Variants in KPNA3 observed in about 807,000 individuals in gnomAD.
KPNA3 encodes the protein karyopherin subunit alpha 3, also known as importin subunit alpha-4.
KPNA3 carries 13 observed loss-of-function variants against 73.8 expected under a neutral mutation model. The ratio of observed to expected loss-of-function variants is 0.18; its 90% confidence interval spans 0.11 to 0.28. The LOEUF (loss-of-function observed/expected upper bound fraction) is 0.28. KPNA3 is among the 10% of genes least tolerant of loss of function. The pLI, the probability that KPNA3 is intolerant of heterozygous loss-of-function variation, is 1.00. For missense variants in KPNA3, 360 were observed against 618.1 expected, an observed-to-expected ratio of 0.58 and a Z score of 4.43; for synonymous variants, 186 against 206.9, an observed-to-expected ratio of 0.90 and a Z score of 0.87.
chr13:49,786,575 G>T (rs896449819), intron 1 of KPNA3, among the ~76,000 whole-genome samples: 1 of 152,088 alleles, frequency 6.6e-6, no homozygotes, highest in African/African-American at 2.4e-5. Flanking sequence ...ATATGAAGGA[G>T]TCTCACTGAA....
chr13:49,775,818 T>C (rs1173618930), intron 1 of KPNA3, among the ~76,000 whole-genome samples: 1 of 152,258 alleles, frequency 6.6e-6, no homozygotes, highest in Non-Finnish European at 1.5e-5. Context: ...AAAAAAGAGT[T>C]TGTACAACCT....
intron 10 of KPNA3, among the ~76,000 whole-genome samples, chr13:49,711,981 C>T (rs1954263940): frequency 6.6e-6 from 1 of 152,130 alleles, no homozygotes; most frequent in Non-Finnish European, 1.5e-5. Flanking sequence ...TTGTCTGGAC[C>T]TCTTGCCTCA....
intron 1 of KPNA3, among the ~76,000 whole-genome samples, chr13:49,751,506 T>C (rs1208347796): frequency 6.6e-6 from 1 of 152,176 alleles, no homozygotes; most frequent in East Asian, 1.9e-4. Flanking sequence ...AAAATCTGTG[T>C]CATCTTTCTC....
chr13:49,716,541 C>T (rs534364009), intron 10 of KPNA3, among the ~76,000 whole-genome samples: 1 of 152,202 alleles, frequency 6.6e-6, no homozygotes, highest in Non-Finnish European at 1.5e-5. Context: ...CCGACTCAAG[C>T]GATTCTCCTG....
intron 2 of KPNA3, among the ~76,000 whole-genome samples, chr13:49,737,274 A>C (rs1032884685): frequency 6.6e-6 from 1 of 152,182 alleles, no homozygotes; most frequent in Admixed American, 6.5e-5. Context: ...AAAAACTGAC[A>C]AACTGTTTTC....
At chr13:49,703,006 C>A (rs978040750) in intron 15 of KPNA3, among the ~76,000 whole-genome samples, 3 of 150,642 alleles carry the variant, frequency 2.0e-5, no homozygotes, top group African/African-American at 7.3e-5. Flanking sequence ...GTAGCTGGGA[C>A]TACAGGCGCC....
In KPNA3 at chr13:49,706,084, G is replaced by C; in HGVS notation, c.1209+14C>G. 6.2e-7 allele frequency: 1 copy of C among 1,609,276 alleles called. No homozygotes were observed. The highest frequency in any genetic ancestry group is 8.5e-7 in the Non-Finnish European group (1 of 1,177,564). On this transcript the variant is annotated intron_variant, in intron 14 of 16. Transcript: ENST00000261667. ...GTATTAACAATCATGACAGTTACAG[G>C]TTTTCAAACTCACCTGATCTTTTCT...
chr13:49,741,986 T>C (rs1954578508), intron 2 of KPNA3, among the ~76,000 whole-genome samples: 1 of 152,210 alleles, frequency 6.6e-6, no homozygotes, highest in East Asian at 1.9e-4. Context: ...ATCATGGAGA[T>C]TTTCCCCTGT....
At chr13:49,736,464 G>T (rs993096156) in intron 2 of KPNA3, among the ~76,000 whole-genome samples, 2 of 152,076 alleles carry the variant, frequency 1.3e-5, no homozygotes, top group Non-Finnish European at 2.9e-5. Context: ...TTATCAAATA[G>T]CTGCTTTTTT....
At chr13:49,702,037 A>C in intron 16 of KPNA3, 139 bp from the exon 17 acceptor site, 1 of 599,118 alleles carries the variant, frequency 1.7e-6, no homozygotes, top group Non-Finnish European at 2.9e-6. Context: ...TAAATCAATA[A>C]TTTTATTAAG....
At position 49,702,390 on chromosome 13, in the gene KPNA3, T is replaced by C; in HGVS notation, c.1463A>G (p.Asp488Gly). 1 of 1,430,904 alleles carries C rather than the reference T, an allele frequency of 7.0e-7. No individual in the cohort carries two copies. The highest frequency in any genetic ancestry group is 9.8e-7 in the Non-Finnish European group (1 of 1,020,206). 88.6% of individuals were successfully genotyped at this position (1,430,904 alleles called of 1,614,324 possible). ...FEIIDQYFSG[D>G]DIDEDPCLIP... ...GCTATTTTAATATCTACTTACATCA[T>C]CACCAGAGAAATACTGATCTATGAT... The change falls in exon 16 of 17, where the codon GAT becomes GGT. Residue 488 changes from aspartate (D) to glycine (G), a missense_variant. Coordinates refer to ENST00000261667, the MANE Select transcript of KPNA3 (RefSeq NM_002267.4).
At position 49,709,580 on chromosome 13, in the gene KPNA3, T is replaced by A; in HGVS notation, c.1024A>T (p.Ile342Leu). 6.2e-7 allele frequency: 1 copy of A among 1,612,626 alleles called. No individual in the cohort carries two copies. Among genetic ancestry groups the A allele is most frequent in the Non-Finnish European group, 8.5e-7 (1 of 1,178,964 alleles). The change falls in exon 12 of 17, where the codon ATA becomes TTA. Residue 342 changes from isoleucine (I) to leucine (L), a missense_variant. Around this residue, in one of 3 missense-constraint regions of KPNA3, gnomAD observed 287 missense variants for 549.1 expected, o/e 0.52. Transcript: ENST00000261667. ...PNLLSHPKEK[I>L]NKEAVWFLSN... is the part of the protein sequence containing the mutation. Reference sequence around the variant, plus strand: ...GACATTATATGCCTTACCTTATTTATCTTCTCTTTTGGGTGTGATAAGAGA... The same window carrying A: ...GACATTATATGCCTTACCTTATTTAACTTCTCTTTTGGGTGTGATAAGAGA...
At chr13:49,753,779 G>A (rs1954686899) in intron 1 of KPNA3, among the ~76,000 whole-genome samples, 1 of 152,160 alleles carries the variant, frequency 6.6e-6, no homozygotes, top group African/African-American at 2.4e-5. Flanking sequence ...TGCTCCTTAT[G>A]AGAATCTAAC....
chr13:49,724,787 C>T (rs901091497), intron 7 of KPNA3, among the ~76,000 whole-genome samples: 2 of 152,050 alleles, frequency 1.3e-5, no homozygotes, highest in African/African-American at 4.8e-5. Context: ...TGTAGAGACA[C>T]GATTTTGTCA....
chr13:49,726,692 C>T (rs1232689013), intron 6 of KPNA3, among the ~76,000 whole-genome samples: 2 of 152,134 alleles, frequency 1.3e-5, no homozygotes, highest in Admixed American at 6.6e-5. Flanking sequence ...CCTGTAGTCC[C>T]AGCACTTTGG....
chr13:49,733,520 C>T (rs1233646529), intron 2 of KPNA3, among the ~76,000 whole-genome samples: 1 of 152,110 alleles, frequency 6.6e-6, no homozygotes, highest in Non-Finnish European at 1.5e-5. Flanking sequence ...AACTCCTGGC[C>T]TCAAGTGATC....
At chr13:49,706,507 T>C (rs1954208791) in intron 12 of KPNA3, 135 bp from the exon 13 acceptor site, 6 of 573,070 alleles carry the variant, frequency 1.0e-5, no homozygotes. Flanking sequence ...AGTGATTAGG[T>C]ATACAAAATC....
rs1566343388 is a variant in KPNA3 at position 49,733,051 on chromosome 13, A to G, written c.115-5T>C. 1.3e-6 allele frequency: 2 copies of G among 1,574,632 alleles called. No individual in the cohort carries two copies. The highest frequency in any genetic ancestry group is 1.7e-6 in the Non-Finnish European group (2 of 1,146,390). On this transcript the variant is annotated splice_polypyrimidine_tract_variant and splice_region_variant and intron_variant, in intron 2 of 16. Transcript: ENST00000261667. Reference sequence around the variant, plus strand: ...TAAGTGTTCATCTCTTTTGTTCTGAAAGGCAACCAATAAATGCTTAAGAAG... The same window carrying G: ...TAAGTGTTCATCTCTTTTGTTCTGAGAGGCAACCAATAAATGCTTAAGAAG...
chr13:49,730,587 G>GAA (rs945621213), intron 6 of KPNA3, among the ~76,000 whole-genome samples: 1 of 136,878 alleles, frequency 7.3e-6, no homozygotes, highest in Non-Finnish European at 1.6e-5. Context: ...GGTAGAAGTA[G>GAA]AATAGAACTT....
Sources: gnomAD v4.1 joint callset for allele counts (sites outside exome capture counted in the v4.1 genomes callset) on GRCh38, gnomAD v4.1.1 for gene constraint, gnomAD v4.1.1 regional missense constraint, MANE v1.5 for transcripts, NCBI Gene and HGNC (gene_info 2026-07-23, HGNC 2026-07-21) for gene names.